The following SGSM3 variants were observed in gnomAD, a reference collection of about 807,000 sequenced individuals.
The protein encoded by SGSM3 is small G protein signaling modulator 3.
A neutral mutation model predicts 100.5 loss-of-function variants in SGSM3; 96 were observed. That is an observed-to-expected ratio of 0.96 (90% CI 0.81 to 1.13). The LOEUF is 1.13. SGSM3 is among the 50% of genes most tolerant of loss of function. The pLI, the probability that SGSM3 is intolerant of heterozygous loss-of-function variation, is 0.00. For synonymous variants in SGSM3, 483 were observed against 422.8 expected (o/e 1.14, Z -1.75); for missense variants, 1,001 against 1,015.8 (o/e 0.99, Z 0.20).
Position 40,405,024 on chromosome 22 carries a change from C to A in SGSM3, c.475-117C>A, listed in dbSNP as rs1010779636. 5.1e-6 allele frequency: 7 copies of A among 1,369,550 alleles called. No individual in the cohort carries two copies. In the African/African-American group the frequency reaches 8.8e-5, roughly 17 times the overall value. The allele number at this position is 1,369,550 out of a possible 1,614,324, so 84.8% of individuals were successfully genotyped here. A position where few individuals can be genotyped will look rare whatever the true frequency, so the allele number is the denominator to read the frequency against. On this transcript the variant is annotated intron_variant, in intron 6 of 21. Coordinates refer to ENST00000248929, the MANE Select transcript of SGSM3 (RefSeq NM_015705.6). ...GCTGACCCTGAAGGGAGGAGGGTGACCTTGATCAGGAACACAAGGAATCCC... is the reference window on the plus strand; with the variant it reads ...GCTGACCCTGAAGGGAGGAGGGTGAACTTGATCAGGAACACAAGGAATCCC...
chr22:40,386,412 G>A (rs1353515024), intron 1 of SGSM3, among the ~76,000 whole-genome samples: 2 of 152,240 alleles, frequency 1.3e-5, no homozygotes, highest in South Asian at 4.2e-4. Context: ...TGTTGGTAAT[G>A]ATGCTGATCT....
chr22:40,373,455 C>T (rs2045952298), intron 1 of SGSM3: 1 of 152,194 alleles, frequency 6.6e-6, no homozygotes, highest in South Asian at 2.1e-4. Context: ...ATGAATTCCT[C>T]TCAACGATTT....
intron 1 of SGSM3, among the ~76,000 whole-genome samples, chr22:40,381,348 T>C (rs955532957): frequency 6.6e-6 from 1 of 152,070 alleles, no homozygotes; most frequent in South Asian, 2.1e-4. Context: ...GAAGCCTCAC[T>C]ATGTTGCCGA....
At chr22:40,398,222 C>G (rs1601980845) in intron 1 of SGSM3, among the ~76,000 whole-genome samples, 1 of 151,876 alleles carries the variant, frequency 6.6e-6, no homozygotes, top group Non-Finnish European at 1.5e-5. Context: ...CCACCTCGGC[C>G]TCCCAAAGTG....
rs1287795292 is a variant in SGSM3, at chr22:40,409,228, CCACTCCT to C, written c.1989-21_1989-15del. On this transcript the variant is annotated splice_polypyrimidine_tract_variant and intron_variant, in intron 19 of 21. Transcript: ENST00000248929. ...AAGGGCCTGGAGCTGCCCCTGCTCC[CCACTCCT>C]GGCCATGTCCCCAGTGAGCAGGTGC... 1 of 1,585,424 alleles carries C rather than the reference CCACTCCT, an allele frequency of 6.3e-7. No individual in the cohort carries two copies. The highest frequency in any genetic ancestry group is 1.3e-5 in the African/African-American group (1 of 74,376).
chr22:40,389,904 C>CAAAAAAAAAAAAAAAAAA (rs556479827), intron 1 of SGSM3, among the ~76,000 whole-genome samples: 1 of 58,510 alleles, frequency 1.7e-5, no homozygotes, highest in Admixed American at 1.9e-4. Context: ...AACTCCGTCT[C>CAAAAAAAAAAAAAAAAAA]AAAAAAAAAA....
rs190788071 is a variant in SGSM3 at position 40,401,401 on chromosome 22, C to T, written c.8-192C>T. ...TAGCTGGGATTACAGGCATGTGCCA[C>T]CACGCCCAGCTAATTTTGTATTTTT... On this transcript the variant is annotated intron_variant, in intron 2 of 21. Transcript: ENST00000248929. Among the ~76,000 whole-genome samples, 597 of 152,292 alleles carry T rather than the reference C, an allele frequency of 3.9e-3. 6 individuals are homozygous for T. The highest frequency in any genetic ancestry group is 0.014 in the African/African-American group (577 of 41,560).
rs1474868389 is a variant in SGSM3, at chr22:40,405,750, C to T, written c.720C>T (p.Thr240=). Residue 240 remains threonine (T), a synonymous_variant, in exon 8 of 22, where the codon ACC becomes ACT. Transcript: ENST00000248929. The stretch of plus-strand genomic sequence containing the variant: ...TCCCCGCCTCCTACTTCAGCACCAC[C>T]CTGCTGGGTGTCCAGACTGACCAGC... ...DLLPASYFST[T]LLGVQTDQRV... The T allele has an allele frequency of 6.2e-7, 1 of 1,613,804 alleles. No individual in the cohort carries two copies. The highest frequency in any genetic ancestry group is 8.5e-7 in the Non-Finnish European group (1 of 1,179,968).
intron 1 of SGSM3, chr22:40,373,607 T>G (rs2045977480): frequency 6.6e-6 from 1 of 152,090 alleles, no homozygotes; most frequent in African/African-American, 2.4e-5. Flanking sequence ...AGGGCAGTTG[T>G]GTTTTTTGTT....
At chr22:40,405,949 T>C (rs530014350) in intron 8 of SGSM3, 105 bp downstream of exon 8, 5 of 1,477,514 alleles carry the variant, frequency 3.4e-6, no homozygotes, top group Non-Finnish European at 3.7e-6. Flanking sequence ...TCTTTGTCGC[T>C]CTTTTGTTCT....
chr22:40,401,338 C>T (rs530766535), intron 2 of SGSM3, among the ~76,000 whole-genome samples: 1 of 152,266 alleles, frequency 6.6e-6, no homozygotes, highest in African/African-American at 2.4e-5. Flanking sequence ...ACTGCAACCT[C>T]CGCTTCTTGG....
At chr22:40,388,470 T>C (rs2048819318) in intron 1 of SGSM3, among the ~76,000 whole-genome samples, 2 of 152,128 alleles carry the variant, frequency 1.3e-5, no homozygotes, top group African/African-American at 4.8e-5. Context: ...GCGAGGCAGG[T>C]GTTCAGAGAT....
chr22:40,387,890 G>C (rs2048729792), intron 1 of SGSM3, among the ~76,000 whole-genome samples: 1 of 152,186 alleles, frequency 6.6e-6, no homozygotes, highest in Non-Finnish European at 1.5e-5. Context: ...TAGGGCAGCT[G>C]AGTTTAACTG....
chr22:40,385,905 G>T (rs2048337440), intron 1 of SGSM3, among the ~76,000 whole-genome samples: 1 of 151,908 alleles, frequency 6.6e-6, no homozygotes, highest in Non-Finnish European at 1.5e-5. Flanking sequence ...AGGCTGGAGT[G>T]CAGTGGTGCA....
At chr22:40,385,430 A>G (rs2048260098) in intron 1 of SGSM3, among the ~76,000 whole-genome samples, 1 of 152,224 alleles carries the variant, frequency 6.6e-6, no homozygotes, top group African/African-American at 2.4e-5. Context: ...TTGGAGAAGA[A>G]AAGACTGAAG....
Position 40,402,395 on chromosome 22 carries a change from T to G in SGSM3, c.157+190T>G, listed in dbSNP as rs147736280. 1.2e-4 allele frequency among the ~76,000 whole-genome samples: 18 copies of G among 152,244 alleles called. No individual in the cohort carries two copies. The East Asian group carries it at 3.5e-3, about 29-fold the overall frequency. ...GACTTCTGCTTTTTTTGAGATAAAT[T>G]TTACTGATCCTCACCTGACAGTAAA... On this transcript the variant is annotated intron_variant, in intron 4 of 21. Coordinates refer to ENST00000248929, the MANE Select transcript of SGSM3 (RefSeq NM_015705.6).
rs780743048 is a variant in SGSM3 at position 40,408,704 on chromosome 22, C to T, written c.1853+7C>T. 6.2e-5 allele frequency: 100 copies of T among 1,613,882 alleles called. No homozygotes were observed. The highest frequency in any genetic ancestry group is 1.6e-4 in the Middle Eastern group (1 of 6,084). ...TGCTCTGTAAGACCTTCAGGTAACT[C>T]GGCCCGGGTTCTTCTGGTGGGGTCA... On this transcript the variant is annotated splice_region_variant and intron_variant, in intron 17 of 21. Transcript: ENST00000248929.
intron 3 of SGSM3, 31 bp downstream of exon 3, chr22:40,401,706 G>A: frequency 6.3e-7 from 1 of 1,580,818 alleles, no homozygotes; most frequent in Non-Finnish European, 8.7e-7. Flanking sequence ...CCAGCCTGCT[G>A]TGCTCCCACG....
intron 1 of SGSM3, chr22:40,373,317 C>T (rs2045934341): frequency 6.6e-6 from 1 of 152,232 alleles, no homozygotes; most frequent in Non-Finnish European, 1.5e-5. Flanking sequence ...CTTCAAATTA[C>T]TACCATTTCT....
Sources: gnomAD v4.1 joint callset for allele counts (sites outside exome capture counted in the v4.1 genomes callset) on GRCh38, gnomAD v4.1.1 for gene constraint, MANE v1.5 for transcripts, NCBI Gene and HGNC (gene_info 2026-07-23, HGNC 2026-07-21) for gene names.